Variants in MAGI3 observed in about 807,000 individuals in gnomAD.
The protein encoded by MAGI3 is membrane associated guanylate kinase, WW and PDZ domain containing 3.
MAGI3 carries 43 observed loss-of-function variants against 121.8 expected under a neutral mutation model. The ratio of observed to expected loss-of-function variants is 0.35; its 90% CI spans 0.28 to 0.46. The LOEUF (loss-of-function observed/expected upper bound fraction) is 0.46, where lower values mean the gene tolerates loss of function less well. MAGI3 is among the 20% of genes least tolerant of loss of function. MAGI3 has a pLI of 1.00. For synonymous variants in MAGI3, 553 were observed against 639.3 expected (o/e 0.86, Z 2.04); for missense variants, 1,547 against 1,797.3 (o/e 0.86, Z 2.52).
At chr1:113,633,785 G>T (rs1335978047) in intron 9 of MAGI3, among the ~76,000 whole-genome samples, 1 of 152,148 alleles carries the variant, frequency 6.6e-6, no homozygotes, top group Non-Finnish European at 1.5e-5. Flanking sequence ...GGTATTTCTA[G>T]TTCTAGATCC....
chr1:113,431,583 C>A (rs1261379111), intron 1 of MAGI3, among the ~76,000 whole-genome samples: 3 of 151,880 alleles, frequency 2.0e-5, no homozygotes, highest in Non-Finnish European at 4.4e-5. Context: ...TTTAAGTAAA[C>A]CTAAAACCAA....
intron 7 of MAGI3, 34 bp downstream of exon 7, chr1:113,614,692 A>G: frequency 1.3e-6 from 2 of 1,486,900 alleles, no homozygotes; most frequent in Non-Finnish European, 1.9e-6. Context: ...ATTCTCCCAA[A>G]TATTTTCCTT....
intron 1 of MAGI3, among the ~76,000 whole-genome samples, chr1:113,400,567 T>C (rs1170048268): frequency 6.6e-6 from 1 of 152,132 alleles, no homozygotes; most frequent in Admixed American, 6.6e-5. Context: ...AAATTACTGC[T>C]TCTACTTCAA....
chr1:113,627,011 G>C (rs980128301), intron 9 of MAGI3, among the ~76,000 whole-genome samples: 1 of 151,796 alleles, frequency 6.6e-6, no homozygotes, highest in Non-Finnish European at 1.5e-5. Flanking sequence ...TCTTCAAGAT[G>C]CATCATGAGG....
chr1:113,567,457 C>T (rs939415036), intron 2 of MAGI3, among the ~76,000 whole-genome samples: 5 of 151,898 alleles, frequency 3.3e-5, no homozygotes, highest in Admixed American at 2.0e-4. Flanking sequence ...CAGACAAAGA[C>T]ACAATAAAGG....
At chr1:113,532,824 A>T (rs1182011469) in intron 1 of MAGI3, among the ~76,000 whole-genome samples, 1 of 152,220 alleles carries the variant, frequency 6.6e-6, no homozygotes, top group Non-Finnish European at 1.5e-5. Context: ...AAACAAGGTA[A>T]TAGAATCATG....
Position 113,684,737 on chromosome 1 carries a change from T to TAG in MAGI3, c.*726_*727dup, listed in dbSNP as rs1275216996. 6.6e-6 allele frequency: 1 copy of TAG among 152,364 alleles called. No homozygotes were observed. The highest frequency in any genetic ancestry group is 2.4e-5 in the African/African-American group (1 of 41,460). 9.4% of individuals were successfully genotyped at this position (152,364 alleles called of 1,614,324 possible). The stretch of plus-strand genomic sequence containing the variant: ...TGAAATAAGAAAGTACTTTAAGCAA[T>TAG]AGAGTTCATCTCCTGCTGTGTTATC... On this transcript the variant is annotated 3_prime_UTR_variant, in exon 21 of 21. Transcript: ENST00000307546.
intron 2 of MAGI3, among the ~76,000 whole-genome samples, chr1:113,561,733 T>G (rs951360259): frequency 6.6e-6 from 1 of 152,160 alleles, no homozygotes; most frequent in Non-Finnish European, 1.5e-5. Context: ...TCACCACTCC[T>G]ATTCAATATA....
intron 1 of MAGI3, among the ~76,000 whole-genome samples, chr1:113,444,246 T>C (rs142164682): frequency 1.1e-3 from 173 of 152,326 alleles, no homozygotes; most frequent in African/African-American, 4.0e-3. Context: ...CCTCCAAATA[T>C]TGGGGATCTG....
intron 1 of MAGI3, among the ~76,000 whole-genome samples, chr1:113,466,611 T>G (rs1479855923): frequency 6.6e-6 from 1 of 152,184 alleles, no homozygotes; most frequent in African/African-American, 2.4e-5. Context: ...GTTCCACACT[T>G]TTCTTTGATG....
intron 2 of MAGI3, among the ~76,000 whole-genome samples, chr1:113,555,548 A>C (rs1659952505): frequency 6.6e-6 from 1 of 152,196 alleles, no homozygotes; most frequent in African/African-American, 2.4e-5. Context: ...ACATTTACAA[A>C]TATAGACCAT....
At chr1:113,562,280 A>G (rs550519997) in intron 2 of MAGI3, among the ~76,000 whole-genome samples, 11 of 152,298 alleles carry the variant, frequency 7.2e-5, no homozygotes, top group South Asian at 4.1e-4. Flanking sequence ...GCGGGCGCCA[A>G]TAGTCCCAGC....
intron 9 of MAGI3, among the ~76,000 whole-genome samples, chr1:113,640,864 C>T (rs111578945): frequency 2.3e-3 from 343 of 147,040 alleles, no homozygotes; most frequent in African/African-American, 8.2e-3. Context: ...ACATATTCTG[C>T]ACTTGCATCC....
chr1:113,561,755 TCTGA>T (rs1252691457), intron 2 of MAGI3, among the ~76,000 whole-genome samples: 1 of 152,182 alleles, frequency 6.6e-6, no homozygotes, highest in Admixed American at 6.5e-5. Flanking sequence ...TTTTGGAAGT[TCTGA>T]CCAGGGCGAT....
intron 1 of MAGI3, chr1:113,404,498 A>C (rs1203390177): frequency 6.6e-6 from 1 of 152,302 alleles, no homozygotes; most frequent in East Asian, 1.9e-4. Flanking sequence ...ACAATTATCT[A>C]TGCTTTTGAA....
intron 1 of MAGI3, among the ~76,000 whole-genome samples, chr1:113,416,070 T>C (rs1652304720): frequency 6.7e-6 from 1 of 148,772 alleles, no homozygotes; most frequent in African/African-American, 2.5e-5. Flanking sequence ...ATTAATTATG[T>C]AATTAATGAC....
chr1:113,626,084 G>A (rs1651220288), intron 9 of MAGI3, among the ~76,000 whole-genome samples: 1 of 152,092 alleles, frequency 6.6e-6, no homozygotes, highest in South Asian at 2.1e-4. Context: ...TCCTGCTTCA[G>A]CCTCCAGAGT....
intron 7 of MAGI3, among the ~76,000 whole-genome samples, chr1:113,615,122 C>G (rs141131922): frequency 6.6e-6 from 1 of 152,106 alleles, no homozygotes; most frequent in Non-Finnish European, 1.5e-5. Context: ...TCAAGGAAAA[C>G]TTAGTATTCT....
chr1:113,619,693 GT>G (rs1159024962), intron 7 of MAGI3, 42 bp from the exon 8 acceptor site: 1 of 1,318,056 alleles, frequency 7.6e-7, no homozygotes, highest in African/African-American at 1.5e-5. Context: ...ATATGTTACT[GT>G]TTTATTTTAA....
Sources: gnomAD v4.1 joint callset for allele counts (sites outside exome capture counted in the v4.1 genomes callset) on GRCh38, gnomAD v4.1.1 for gene constraint, MANE v1.5 for transcripts, NCBI Gene and HGNC (gene_info 2026-07-23, HGNC 2026-07-21) for gene names.